Variants in SLIT3 observed in about 807,000 individuals in gnomAD.
SLIT3 encodes the protein slit guidance ligand 3.
Under a neutral mutation model 184.0 loss-of-function variants are expected in SLIT3, and 68 were observed. The observed-to-expected ratio is 0.37, with a 90% CI of 0.30 to 0.45. SLIT3 has a LOEUF of 0.45. SLIT3 is among the 20% of genes least tolerant of loss of function. SLIT3 has a pLI of 1.00. For synonymous variants in SLIT3, 831 were observed against 828.6 expected (o/e 1.00, Z -0.05); for missense variants, 1,707 against 2,026.0 (o/e 0.84, Z 3.02).
intron 4 of SLIT3, among the ~76,000 whole-genome samples, chr5:169,081,334 G>C (rs1759041328): frequency 6.6e-6 from 1 of 152,220 alleles, no homozygotes; most frequent in Non-Finnish European, 1.5e-5. Context: ...CAGCGGGGCA[G>C]CTGGGCCTCT....
intron 4 of SLIT3, among the ~76,000 whole-genome samples, chr5:169,122,130 C>T (rs1389191935): frequency 2.0e-5 from 3 of 152,172 alleles, no homozygotes; most frequent in African/African-American, 7.2e-5. Context: ...TTCCATTTCA[C>T]TAGGGCCTAT....
chr5:168,858,894 C>T (rs1385990310), intron 5 of SLIT3, among the ~76,000 whole-genome samples: 1 of 152,064 alleles, frequency 6.6e-6, no homozygotes, highest in Non-Finnish European at 1.5e-5. Flanking sequence ...GGGCTGGGTG[C>T]AGGGGGTGCA....
intron 4 of SLIT3, chr5:169,024,752 C>A (rs939520445): frequency 6.6e-6 from 1 of 152,154 alleles, no homozygotes; most frequent in Non-Finnish European, 1.5e-5. Flanking sequence ...TGGAATCCAC[C>A]AACCCCTTGC....
At chr5:168,707,184 TCTTGA>T (rs1475625712) in intron 26 of SLIT3, 1 of 152,240 alleles carries the variant, frequency 6.6e-6, no homozygotes, top group African/African-American at 2.4e-5. Flanking sequence ...TGAGTTGAAC[TCTTGA>T]CAGTCTGAGG....
intron 32 of SLIT3, among the ~76,000 whole-genome samples, chr5:168,674,599 C>A (rs900174603): frequency 1.8e-4 from 27 of 148,392 alleles, no homozygotes; most frequent in African/African-American, 6.0e-4. Flanking sequence ...TCAAGCAATT[C>A]TCCTGCCTCG....
At chr5:168,923,468 G>T (rs541778897) in intron 4 of SLIT3, among the ~76,000 whole-genome samples, 1 of 151,576 alleles carries the variant, frequency 6.6e-6, no homozygotes. Flanking sequence ...TAAGTCACAG[G>T]GCTCTTCACA....
chr5:168,897,647 T>TGCATACACACACACACACACACAC lies in SLIT3; in HGVS notation c.414-14312_414-14311insGTGTGTGTGTGTGTGTGTGTATGC, dbSNP rs3223457. Among the ~76,000 whole-genome samples, 14 of 141,414 alleles carry TGCATACACACACACACACACACAC rather than the reference T, an allele frequency of 9.9e-5. 1 individual carries two copies. Among genetic ancestry groups the TGCATACACACACACACACACACAC allele is most frequent in the Admixed American group, 4.2e-4 (6 of 14,148 alleles). 92.8% of individuals were successfully genotyped at this position (141,414 alleles called of 152,430 possible). ...GAAAGAGGATGGAGACAGGTGCACG[T>TGCATACACACACACACACACACAC]ACACACACACACACACACACACACA... is the stretch of plus-strand genomic sequence containing the variant. On this transcript the variant is annotated intron_variant, in intron 4 of 35. Transcript: ENST00000519560.
intron 4 of SLIT3, among the ~76,000 whole-genome samples, chr5:169,016,626 T>A (rs1258321195): frequency 2.0e-5 from 3 of 152,226 alleles, no homozygotes; most frequent in African/African-American, 7.2e-5. Flanking sequence ...GCTGAGCTCC[T>A]CATATATGTA....
At chr5:169,182,388 C>A (rs1763191816) in intron 4 of SLIT3, among the ~76,000 whole-genome samples, 1 of 152,168 alleles carries the variant, frequency 6.6e-6, no homozygotes, top group Non-Finnish European at 1.5e-5. Context: ...TCATTACAGA[C>A]CTCAACCTCC....
chr5:168,874,553 G>A (rs761290392), intron 5 of SLIT3, among the ~76,000 whole-genome samples: 1 of 152,178 alleles, frequency 6.6e-6, no homozygotes, highest in Non-Finnish European at 1.5e-5. Context: ...CAGTTATAAC[G>A]CAGGGAGGGG....
At chr5:168,693,980 A>G (rs1761981466) in intron 28 of SLIT3, among the ~76,000 whole-genome samples, 1 of 152,198 alleles carries the variant, frequency 6.6e-6, no homozygotes, top group Admixed American at 6.5e-5. Context: ...AGAGCAAACC[A>G]CAAAGCCTCA....
In SLIT3 at chr5:168,795,531, G is replaced by C. The variant is rs1378677666; in HGVS notation, c.983C>G (p.Thr328Ser). ...CATTCGCTTCAGTTTCTTGTACTGGGTGAAGGCTCCTGCAGGGATGGCTTT... is the reference window on the plus strand; with the variant it reads ...CATTCGCTTCAGTTTCTTGTACTGGCTGAAGGCTCCTGCAGGGATGGCTTT... ...SIKAIPAGAF[T>S]QYKKLKRIDI... Residue 328 changes from threonine (T) to serine (S), a missense_variant, in exon 10 of 36, where the codon ACC becomes AGC. Physicochemically the swap from Thr to Ser is moderately conservative, Grantham distance 58. Coordinates refer to ENST00000519560, the MANE Select transcript of SLIT3 (RefSeq NM_003062.4). 1.2e-6 allele frequency: 2 copies of C among 1,613,862 alleles called. No homozygotes were observed. Among genetic ancestry groups the C allele is most frequent in the Non-Finnish European group, 1.7e-6 (2 of 1,179,740 alleles).
rs1761012206 is a variant in SLIT3 at position 168,665,719 on chromosome 5, A to AAGCCAGGGCC, written c.*725_*734dup. 3 of 149,480 alleles carry AAGCCAGGGCC rather than the reference A, an allele frequency of 2.0e-5. No homozygotes were observed. The South Asian group carries it at 6.8e-4, about 34-fold the overall frequency. The allele number at this position is 149,480 out of a possible 1,614,324, so 9.3% of individuals were successfully genotyped here. ...GGTCCCCCAGTGGGTTCAGATACGG[A>AAGCCAGGGCC]AGCCAGGGCCACCCAGGAAGGAGAA... On this transcript the variant is annotated 3_prime_UTR_variant, in exon 36 of 36. Transcript: ENST00000519560.
At chr5:169,075,964 G>T (rs894156187) in intron 4 of SLIT3, among the ~76,000 whole-genome samples, 4 of 152,218 alleles carry the variant, frequency 2.6e-5, no homozygotes, top group South Asian at 2.1e-4. Flanking sequence ...ATCTTGGGGA[G>T]GGGTGATAAG....
At position 169,217,420 on chromosome 5, in the gene SLIT3, G is replaced by T. The variant is rs533107067; in HGVS notation, c.342-23870C>A. Reference sequence around the variant, plus strand: ...GAAGTACGTGGCAATCCCAGGGCTCGACTTTGTGGCTGAGGGATTGGGACC... The same window carrying T: ...GAAGTACGTGGCAATCCCAGGGCTCTACTTTGTGGCTGAGGGATTGGGACC... On this transcript the variant is annotated intron_variant, in intron 3 of 35. Transcript: ENST00000519560. Among the ~76,000 whole-genome samples, 37 of 152,254 alleles carry T rather than the reference G, an allele frequency of 2.4e-4. No homozygotes were observed. In the South Asian group the frequency reaches 7.5e-3, roughly 31 times the overall value.
chr5:168,868,749 A>C (rs74738600), intron 5 of SLIT3, among the ~76,000 whole-genome samples: 1 of 121,914 alleles, frequency 8.2e-6, no homozygotes, highest in Admixed American at 8.8e-5. Flanking sequence ...ATCTGCCTCA[A>C]AAAAAAAAAA....
rs200045367 is a variant in SLIT3 at position 168,671,258 on chromosome 5, C to T, written c.4067G>A (p.Arg1356His). 1.6e-5 allele frequency: 26 copies of T among 1,613,402 alleles called. No individual in the cohort carries two copies. Among genetic ancestry groups the T allele is most frequent in the South Asian group, 3.3e-5 (3 of 91,036 alleles). The change falls in exon 34 of 36, where the codon CGC becomes CAC. Residue 1356 changes from arginine to histidine, a missense_variant. Coordinates refer to ENST00000519560, the MANE Select transcript of SLIT3 (RefSeq NM_003062.4). ...VEKDSVVCEC[R>H]PGWTGPLCDQ... ...GCAGAGTGGGCCGGTCCAGCCTGGG[C>T]GGCACTCGCACACCACGCTGTCCTT...
intron 20 of SLIT3, among the ~76,000 whole-genome samples, chr5:168,742,924 C>A (rs540013736): frequency 4.0e-5 from 6 of 151,740 alleles, no homozygotes; most frequent in African/African-American, 1.2e-4. Context: ...GTCAAGAGAT[C>A]GAGACTATCC....
intron 12 of SLIT3, among the ~76,000 whole-genome samples, chr5:168,784,862 T>A (rs1011836847): frequency 7.9e-5 from 12 of 151,400 alleles, no homozygotes; most frequent in African/African-American, 2.9e-4. Flanking sequence ...GAGGTGATTT[T>A]AAAAAGACAC....
Sources: gnomAD v4.1 joint callset for allele counts (sites outside exome capture counted in the v4.1 genomes callset) on GRCh38, gnomAD v4.1.1 for gene constraint, MANE v1.5 for transcripts, NCBI Gene and HGNC (gene_info 2026-07-23, HGNC 2026-07-21) for gene names.